ITPR1: variants seen among roughly 807,000 people sequenced by gnomAD.
ITPR1 encodes inositol 1,4,5-trisphosphate-gated calcium channel ITPR1.
A neutral mutation model predicts 318.4 loss-of-function variants in ITPR1; 96 were observed. The ratio of observed to expected loss-of-function variants is 0.30; its 90% CI spans 0.26 to 0.36. ITPR1 has a LOEUF of 0.36. Among genes scored for constraint, ITPR1 ranks in the 10% least tolerant of loss-of-function variants. ITPR1 has a pLI of 1.00. For missense variants in ITPR1, 2,440 were observed against 3,460.2 expected, an observed-to-expected ratio of 0.71 and a Z score of 7.40; for synonymous variants, 1,312 against 1,289.9, an observed-to-expected ratio of 1.02 and a Z score of -0.37.
chr3:4,717,667 T>C (rs2041872295), intron 40 of ITPR1, among the ~76,000 whole-genome samples: 1 of 152,230 alleles, frequency 6.6e-6, no homozygotes, highest in South Asian at 2.1e-4. Flanking sequence ...CTGTCTAAAA[T>C]CTCAGCTGAA....
chr3:4,645,827 T>C (rs2093443249), intron 10 of ITPR1, 99 bp downstream of exon 10: 3 of 1,086,786 alleles, frequency 2.8e-6, no homozygotes, highest in African/African-American at 1.6e-5. Context: ...TACATACATA[T>C]ACCTATATGT....
chr3:4,547,818 T>A (rs555021337), intron 4 of ITPR1, among the ~76,000 whole-genome samples: 45 of 152,094 alleles, frequency 3.0e-4, no homozygotes, highest in Non-Finnish European at 5.6e-4. Context: ...CAGGACTTAG[T>A]GGGTGATAGG....
Position 4,818,062 on chromosome 3 carries a change from G to T in ITPR1, c.7868-20G>T. 6.3e-7 allele frequency: 1 copy of T among 1,583,098 alleles called. No homozygotes were observed. Among genetic ancestry groups the T allele is most frequent in the Non-Finnish European group, 8.6e-7 (1 of 1,159,174 alleles). On this transcript the variant is annotated intron_variant, in intron 59 of 61. Coordinates refer to ENST00000649015, the MANE Select transcript of ITPR1 (RefSeq NM_001378452.1). ...CAAGGCTGCTCAGCTGGGGCTGGGG[G>T]CTTTTTGTCTCATTTTTAGGCTTGG...
chr3:4,662,182 A>C lies in ITPR1; in HGVS notation c.1352A>C (p.Lys451Thr). ...RDLDFANDAS[K>T]VLGSIAGKLE... is the part of the protein sequence containing the mutation. ...CTGGACTTTGCCAATGATGCCAGCA[A>C]GGTGCTGGGCTCCATTGCTGGGAAG... Residue 451 changes from lysine to threonine, a missense_variant, in exon 15 of 62, where the codon AAG becomes ACG. Lys to Thr is a moderately conservative substitution (Grantham distance 78). Transcript: ENST00000649015. The C allele has an allele frequency of 6.2e-7, 1 of 1,613,474 alleles. No individual in the cohort carries two copies.
chr3:4,764,838 G>A (rs1402607542), intron 44 of ITPR1, among the ~76,000 whole-genome samples: 1 of 152,152 alleles, frequency 6.6e-6, no homozygotes, highest in East Asian at 1.9e-4. Context: ...TTTTCCTCCT[G>A]AGGCTGTCAA....
intron 13 of ITPR1, among the ~76,000 whole-genome samples, chr3:4,658,915 G>C (rs72993397): frequency 2.3e-4 from 35 of 152,258 alleles, no homozygotes; most frequent in South Asian, 6.2e-4. Flanking sequence ...ACAAAGCTAA[G>C]TACTCTACTT....
intron 8 of ITPR1, 34 bp from the exon 9 acceptor site, chr3:4,645,353 G>T (rs1363848616): frequency 1.4e-6 from 2 of 1,430,846 alleles, no homozygotes; most frequent in South Asian, 2.3e-5. Context: ...GTTGTGAGGG[G>T]TACGTGAAAA....
At chr3:4,778,551 G>A (rs2046622576) in intron 48 of ITPR1, among the ~76,000 whole-genome samples, 1 of 152,218 alleles carries the variant, frequency 6.6e-6, no homozygotes, top group African/African-American at 2.4e-5. Flanking sequence ...ATTTGGGTGT[G>A]TGGTTTAAAT....
At chr3:4,755,269 G>C (rs1229635230) in intron 44 of ITPR1, among the ~76,000 whole-genome samples, 7 of 151,750 alleles carry the variant, frequency 4.6e-5, no homozygotes, top group African/African-American at 1.7e-4. Context: ...AGGGTGGAGG[G>C]GGACCACGCT....
At chr3:4,674,588 A>C (rs941581271) in intron 22 of ITPR1, among the ~76,000 whole-genome samples, 2 of 152,222 alleles carry the variant, frequency 1.3e-5, no homozygotes, top group African/African-American at 4.8e-5. Flanking sequence ...AAAATGATAG[A>C]ACATCACTTT....
intron 4 of ITPR1, among the ~76,000 whole-genome samples, chr3:4,586,943 C>T (rs4684424): frequency 2.5e-4 from 38 of 151,982 alleles, no homozygotes; most frequent in Non-Finnish European, 4.4e-4. Flanking sequence ...GGTAGGTCTC[C>T]GACCTGCGGG....
At position 4,546,996 on chromosome 3, in the gene ITPR1, T is replaced by G. The variant is rs959550632; in HGVS notation, c.163+25902T>G. On this transcript the variant is annotated intron_variant, in intron 4 of 61. Coordinates refer to ENST00000649015, the MANE Select transcript of ITPR1 (RefSeq NM_001378452.1). ...TTTGTCCCTGACTAGCAGTGTGACC[T>G]CCAATAACGCTCTTGACCTGTCTGG... Among the ~76,000 whole-genome samples, 7 of 152,274 alleles carry G rather than the reference T, an allele frequency of 4.6e-5. No individual in the cohort carries two copies. In the East Asian group the frequency reaches 1.4e-3, roughly 29 times the overall value.
intron 5 of ITPR1, among the ~76,000 whole-genome samples, chr3:4,636,641 C>A (rs1185583059): frequency 1.3e-5 from 2 of 152,216 alleles, no homozygotes; most frequent in African/African-American, 4.8e-5. Context: ...GTTTGCCAGA[C>A]TGGTCTCAAA....
chr3:4,601,326 C>A (rs548491143), intron 4 of ITPR1, among the ~76,000 whole-genome samples: 1 of 151,802 alleles, frequency 6.6e-6, no homozygotes, highest in South Asian at 2.1e-4. Flanking sequence ...CGAACCCAGC[C>A]TGGGCAACAT....
chr3:4,626,892 C>T (rs775009907), intron 4 of ITPR1, among the ~76,000 whole-genome samples: 1 of 152,146 alleles, frequency 6.6e-6, no homozygotes, highest in South Asian at 2.1e-4. Flanking sequence ...GATCTTGGCT[C>T]ACTGCAACCT....
intron 52 of ITPR1, among the ~76,000 whole-genome samples, chr3:4,792,493 C>T (rs1012672235): frequency 6.6e-6 from 1 of 152,124 alleles, no homozygotes; most frequent in African/African-American, 2.4e-5. Flanking sequence ...GCTCAGGTCT[C>T]TCATGGGGTT....
chr3:4,760,215 C>T (rs2045340172), intron 44 of ITPR1, among the ~76,000 whole-genome samples: 1 of 152,234 alleles, frequency 6.6e-6, no homozygotes, highest in South Asian at 2.1e-4. Context: ...TCTGCCTTGG[C>T]AATCTCCTAA....
intron 51 of ITPR1, among the ~76,000 whole-genome samples, chr3:4,784,185 C>T (rs2047015884): frequency 1.3e-5 from 2 of 152,110 alleles, no homozygotes; most frequent in South Asian, 4.1e-4. Flanking sequence ...ATAAGAAAGT[C>T]CAGCAGAGGG....
chr3:4,759,938 C>T (rs973388932), intron 44 of ITPR1, among the ~76,000 whole-genome samples: 14 of 152,342 alleles, frequency 9.2e-5, no homozygotes, highest in African/African-American at 2.4e-4. Context: ...CTGCCCCTGC[C>T]CCTGCCCTGG....
Sources: gnomAD v4.1 joint callset for allele counts (sites outside exome capture counted in the v4.1 genomes callset) on GRCh38, gnomAD v4.1.1 for gene constraint, MANE v1.5 for transcripts, NCBI Gene and HGNC (gene_info 2026-07-23, HGNC 2026-07-21) for gene names.